The following INTS9 variants were observed in gnomAD, a reference collection of about 807,000 sequenced individuals.
INTS9 encodes protein related to CPSF subunits of 74 kDa.
Under a neutral mutation model 79.7 loss-of-function variants are expected in INTS9, and 55 were observed. That is an observed-to-expected ratio of 0.69 (90% CI 0.56 to 0.86). The LOEUF is 0.86. INTS9 is among the 40% of genes least tolerant of loss of function. The probability of loss-of-function intolerance (pLI) is 0.00; values close to 1 mark genes in which losing one functional copy is unlikely to be tolerated. For missense variants in INTS9, 721 were observed against 831.5 expected (o/e 0.87, Z 1.64); for synonymous variants, 319 against 325.2 (o/e 0.98, Z 0.20).
At chr8:28,811,980 A>G (rs535693727) in intron 8 of INTS9, among the ~76,000 whole-genome samples, 16 of 152,206 alleles carry the variant, frequency 1.1e-4, no homozygotes, top group Non-Finnish European at 1.8e-4. Context: ...TGAATCCCCA[A>G]TACCCAGATG....
intron 6 of INTS9, among the ~76,000 whole-genome samples, chr8:28,831,892 G>C (rs1806511302): frequency 6.6e-6 from 1 of 151,876 alleles, no homozygotes; most frequent in South Asian, 2.1e-4. Context: ...TGGTAGAGAT[G>C]GGGGGTTTCA....
At chr8:28,845,408 C>G (rs993007503) in intron 4 of INTS9, among the ~76,000 whole-genome samples, 1 of 152,172 alleles carries the variant, frequency 6.6e-6, no homozygotes, top group Non-Finnish European at 1.5e-5. Context: ...TGTGCCCTAA[C>G]ATCTTGCCTG....
intron 1 of INTS9, among the ~76,000 whole-genome samples, chr8:28,879,835 G>A (rs1466066416): frequency 6.6e-6 from 1 of 152,126 alleles, no homozygotes. Context: ...CATATCAAAT[G>A]AGTTAATTTA....
chr8:28,824,981 A>T (rs1806064432), intron 6 of INTS9, among the ~76,000 whole-genome samples: 1 of 152,220 alleles, frequency 6.6e-6, no homozygotes, highest in Non-Finnish European at 1.5e-5. Context: ...GCCCTGCTCC[A>T]ACACAGCCCC....
At chr8:28,789,885 AACCAAC>A (rs1803826402) in intron 10 of INTS9, among the ~76,000 whole-genome samples, 1 of 37,872 alleles carries the variant, frequency 2.6e-5, no homozygotes, top group South Asian at 5.9e-4. Context: ...CTCAAAAACC[AACCAAC>A]CAACCAACCA....
chr8:28,855,030 C>T (rs1308191579), intron 2 of INTS9, among the ~76,000 whole-genome samples: 1 of 152,146 alleles, frequency 6.6e-6, no homozygotes, highest in Non-Finnish European at 1.5e-5. Context: ...CAGTCCTTCT[C>T]ACCATGAACA....
chr8:28,823,875 C>A (rs1390007497), intron 6 of INTS9, among the ~76,000 whole-genome samples: 1 of 152,148 alleles, frequency 6.6e-6, no homozygotes, highest in East Asian at 1.9e-4. Flanking sequence ...TAAGATTTAA[C>A]CAGAGTAGCA....
At chr8:28,807,649 T>C (rs1176203244) in intron 8 of INTS9, among the ~76,000 whole-genome samples, 1 of 152,188 alleles carries the variant, frequency 6.6e-6, no homozygotes, top group African/African-American at 2.4e-5. Context: ...TCTCACATGC[T>C]CAAAAGCATT....
At chr8:28,865,703 C>A (rs550596578) in intron 1 of INTS9, among the ~76,000 whole-genome samples, 1 of 152,204 alleles carries the variant, frequency 6.6e-6, no homozygotes, top group Admixed American at 6.5e-5. Context: ...AAAATATTCT[C>A]TTTGTTGTTG....
Position 28,859,488 on chromosome 8 carries a change from C to T in INTS9, c.85G>A (p.Gly29Arg), listed in dbSNP as rs1317206080. The T allele has an allele frequency of 6.8e-6, 11 of 1,613,992 alleles. No homozygotes were observed. Among genetic ancestry groups the T allele is most frequent in the African/African-American group, 2.7e-5 (2 of 74,910 alleles). Residue 29 changes from glycine to arginine, a missense_variant, in exon 2 of 17, where the codon GGA (glycine) becomes AGA (arginine). By Grantham distance (125) the Gly-to-Arg change is moderately radical. Around this residue, in one of 3 missense-constraint regions of INTS9, gnomAD observed 291 missense variants for 307.0 expected, o/e 0.95. Transcript: ENST00000521022. ...TTGAGGGTAGAAGTCATGTCCAGTCCGCAGTCCAACATAATGGTGGTTGAT... is the reference window on the plus strand; with the variant it reads ...TTGAGGGTAGAAGTCATGTCCAGTCTGCAGTCCAACATAATGGTGGTTGAT... ...FKSTTIMLDCGLDMTSTLNFL... is the reference protein window; with the variant it reads ...FKSTTIMLDCRLDMTSTLNFL...
intron 1 of INTS9, among the ~76,000 whole-genome samples, chr8:28,869,243 T>C (rs534848582): frequency 6.6e-6 from 1 of 152,368 alleles, no homozygotes; most frequent in East Asian, 1.9e-4. Flanking sequence ...GGTTTTGCCA[T>C]GTTGCCCAGG....
intron 4 of INTS9, among the ~76,000 whole-genome samples, chr8:28,843,739 T>C (rs1323665409): frequency 6.6e-6 from 1 of 152,112 alleles, no homozygotes; most frequent in Non-Finnish European, 1.5e-5. Context: ...TTTCTTTTTT[T>C]TTTTTTAAAC....
intron 8 of INTS9, among the ~76,000 whole-genome samples, chr8:28,807,455 C>T (rs1287532477): frequency 6.6e-6 from 1 of 152,140 alleles, no homozygotes; most frequent in Non-Finnish European, 1.5e-5. Context: ...CCATTTTTCA[C>T]CTATGACTAT....
chr8:28,827,352 T>C (rs1806210250), intron 6 of INTS9, among the ~76,000 whole-genome samples: 1 of 151,958 alleles, frequency 6.6e-6, no homozygotes, highest in African/African-American at 2.4e-5. Context: ...CAGCACACTT[T>C]TGTGTTTTTA....
chr8:28,888,411 T>C (rs895989801), intron 1 of INTS9, among the ~76,000 whole-genome samples: 2 of 149,882 alleles, frequency 1.3e-5, no homozygotes, highest in Admixed American at 6.7e-5. Context: ...CAGGGTGCAG[T>C]GGTGCGCGCC....
chr8:28,888,140 T>C (rs1158049023), intron 1 of INTS9, among the ~76,000 whole-genome samples: 1 of 152,220 alleles, frequency 6.6e-6, no homozygotes, highest in Admixed American at 6.5e-5. Context: ...CTGGCTTACT[T>C]ATCCTTATCA....
At chr8:28,811,722 A>T (rs1452727514) in intron 8 of INTS9, among the ~76,000 whole-genome samples, 1 of 152,082 alleles carries the variant, frequency 6.6e-6, no homozygotes, top group Non-Finnish European at 1.5e-5. Context: ...CGCCCAGCCG[A>T]CATGGTTTAT....
chr8:28,828,099 C>T (rs1806259590), intron 6 of INTS9, among the ~76,000 whole-genome samples: 1 of 152,180 alleles, frequency 6.6e-6, no homozygotes, highest in Non-Finnish European at 1.5e-5. Flanking sequence ...CTTAAGGAGC[C>T]TCTCTCTGGA....
chr8:28,808,183 CT>C (rs997371559), intron 8 of INTS9, among the ~76,000 whole-genome samples: 8 of 140,718 alleles, frequency 5.7e-5, no homozygotes, highest in African/African-American at 1.9e-4. Context: ...GCCCTCAGCC[CT>C]TTATTTAGAT....
Sources: gnomAD v4.1 joint callset for allele counts (sites outside exome capture counted in the v4.1 genomes callset) on GRCh38, gnomAD v4.1.1 for gene constraint, gnomAD v4.1.1 regional missense constraint, MANE v1.5 for transcripts, NCBI Gene and HGNC (gene_info 2026-07-23, HGNC 2026-07-21) for gene names.